SULT6B1: variants seen among roughly 807,000 people sequenced by gnomAD.
SULT6B1 encodes the protein sulfotransferase 6B1.
Under a neutral mutation model 37.2 loss-of-function variants are expected in SULT6B1, and 44 were observed. The observed-to-expected ratio is 1.18, with a 90% CI of 0.93 to 1.52. The LOEUF (loss-of-function observed/expected upper bound fraction) is 1.52. SULT6B1 is among the 40% of genes most tolerant of loss of function. The pLI, the probability that SULT6B1 is intolerant of heterozygous loss-of-function variation, is 0.00. For synonymous variants in SULT6B1, 140 were observed against 126.0 expected, an observed-to-expected ratio of 1.11 and a Z score of -0.74; for missense variants, 450 against 361.0, an observed-to-expected ratio of 1.25 and a Z score of -2.00.
intron 1 of SULT6B1, chr2:37,194,883 T>C (rs62135025): frequency 0.38 from 15,790 of 41,116 alleles, 2,205 homozygotes; most frequent in South Asian, 0.48. Flanking sequence ...CTCCCTCCCT[T>C]CCTTCCTTCC....
chr2:37,178,936 A>G (rs1470787574), intron 4 of SULT6B1, among the ~76,000 whole-genome samples: 2 of 151,186 alleles, frequency 1.3e-5, no homozygotes, highest in Non-Finnish European at 2.9e-5. Context: ...TCAACATACG[A>G]CTTGTCCAAA....
chr2:37,190,963 A>G (rs1020871697), upstream of SULT6B1, among the ~76,000 whole-genome samples: 1 of 152,128 alleles, frequency 6.6e-6, no homozygotes, highest in African/African-American at 2.4e-5. Context: ...AAACAATTAG[A>G]TAAACATGCA....
intron 3 of SULT6B1, among the ~76,000 whole-genome samples, chr2:37,180,336 G>A (rs777487104): frequency 8.5e-5 from 13 of 152,174 alleles, no homozygotes; most frequent in Non-Finnish European, 1.6e-4. Context: ...GGAAAGATGT[G>A]GATTTTGCAA....
At position 37,168,055 on chromosome 2, in the gene SULT6B1, A is replaced by C; in HGVS notation, c.792T>G (p.Gly264=). 1 of 1,591,512 alleles carries C rather than the reference A, an allele frequency of 6.3e-7. No individual in the cohort carries two copies. The highest frequency in any genetic ancestry group is 1.2e-5 in the South Asian group (1 of 86,460). The change falls in exon 7 of 7, where the codon GGT becomes GGG. Residue 264 remains glycine (G), a synonymous_variant. Coordinates refer to ENST00000535679, the MANE Select transcript of SULT6B1 (RefSeq NM_001367551.1). ...GPFLFRKGEV[G]DWKNLFSEIQ... is the part of the protein sequence containing the mutation. ...TTTCACTGAACAAATTTTTCCAATCACCAACTTCACCTACAACACACAAAA... is the reference window on the plus strand; with the variant it reads ...TTTCACTGAACAAATTTTTCCAATCCCCAACTTCACCTACAACACACAAAA...
At chr2:37,188,992 A>G (rs551650462), upstream of SULT6B1, among the ~76,000 whole-genome samples, 13 of 152,368 alleles carry the variant, frequency 8.5e-5, no homozygotes, top group South Asian at 2.7e-3. Flanking sequence ...TTAGAAATTC[A>G]CAGAATGAAA....
chr2:37,183,573 T>C, intron 2 of SULT6B1, 59 bp from the exon 3 acceptor site: 6 of 1,268,106 alleles, frequency 4.7e-6, no homozygotes, highest in African/African-American at 2.9e-5. Flanking sequence ...TGTGTGTGTG[T>C]TGAATCACTC....
chr2:37,169,783 A>G (rs62134992), intron 6 of SULT6B1, among the ~76,000 whole-genome samples: 34,356 of 152,134 alleles, frequency 0.23, 4,023 homozygotes, highest in South Asian at 0.35. Context: ...ATGAGCCACC[A>G]TGTCCGGCCT....
Position 37,188,467 on chromosome 2 carries a change from G to A in SULT6B1, c.174C>T (p.Ile58=), listed in dbSNP as rs140600686. ...LDTFEARHDD[I]VLASYPKCGS... ...CGCACTTTGGATAAGATGCTAGCAC[G>A]ATGTCATCATGTCTGGCTTCGAAGG... is the stretch of plus-strand genomic sequence containing the variant. The change falls in exon 1 of 7, where the codon ATC becomes ATT. Residue 58 remains isoleucine (I), a synonymous_variant. Transcript: ENST00000535679. 2.5e-4 allele frequency: 405 copies of A among 1,613,942 alleles called. 1 individual carries two copies. The highest frequency in any genetic ancestry group is 6.5e-4 in the Admixed American group (39 of 59,980).
intron 5 of SULT6B1, among the ~76,000 whole-genome samples, chr2:37,172,146 G>A (rs982665646): frequency 6.6e-6 from 1 of 151,932 alleles, no homozygotes; most frequent in Admixed American, 6.6e-5. Context: ...GACTTCCTGG[G>A]CTCCAGCAAT....
At chr2:37,193,602 A>AGAAGAAGAAGAAGAAGAG (rs1676828446), upstream of SULT6B1, among the ~76,000 whole-genome samples, 1 of 111,044 alleles carries the variant, frequency 9.0e-6, no homozygotes, top group Non-Finnish European at 1.9e-5. Flanking sequence ...AAGAAAAAGA[A>AGAAGAAGAAGAAGAAGAG]GAAGAAGAAG....
intron 1 of SULT6B1, 68 bp downstream of exon 1, chr2:37,188,374 T>G: frequency 7.3e-7 from 1 of 1,370,942 alleles, no homozygotes; most frequent in Non-Finnish European, 1.0e-6. Context: ...CATCCCACCT[T>G]TGTCTCATAC....
intron 4 of SULT6B1, among the ~76,000 whole-genome samples, chr2:37,177,589 T>C (rs1196511979): frequency 6.6e-6 from 1 of 152,156 alleles, no homozygotes; most frequent in African/African-American, 2.4e-5. Flanking sequence ...AAACTTGTTA[T>C]GAAGTTATGA....
intron 4 of SULT6B1, 151 bp downstream of exon 4, chr2:37,179,307 A>G: frequency 2.1e-6 from 2 of 973,790 alleles, no homozygotes; most frequent in Admixed American, 5.0e-5. Flanking sequence ...GATGCACAGA[A>G]CTAATGGTGC....
chr2:37,188,223 C>G (rs1331056194), intron 1 of SULT6B1, among the ~76,000 whole-genome samples: 1 of 152,134 alleles, frequency 6.6e-6, no homozygotes, highest in East Asian at 1.9e-4. Flanking sequence ...CATGGCCTTT[C>G]CGCACAGAGC....
At chr2:37,169,785 G>T (rs1174773358) in intron 6 of SULT6B1, among the ~76,000 whole-genome samples, 1 of 152,136 alleles carries the variant, frequency 6.6e-6, no homozygotes, top group Non-Finnish European at 1.5e-5. Context: ...GAGCCACCAT[G>T]TCCGGCCTTA....
chr2:37,167,883 C>T lies in SULT6B1; in HGVS notation c.*52G>A. The T allele has an allele frequency of 1.4e-6, 2 of 1,437,460 alleles. No homozygotes were observed. The highest frequency in any genetic ancestry group is 1.9e-6 in the Non-Finnish European group (2 of 1,081,070). The allele number at this position is 1,437,460 out of a possible 1,614,324, so 89.0% of individuals were successfully genotyped here. ...GATTGAATTATCATTTAATTATTTA[C>T]ACTTAATTATTATTAAGGAAAATAA... On this transcript the variant is annotated 3_prime_UTR_variant, in exon 7 of 7. Transcript: ENST00000535679.
intron 6 of SULT6B1, among the ~76,000 whole-genome samples, chr2:37,169,695 A>G (rs1400852711): frequency 1.3e-5 from 2 of 152,240 alleles, no homozygotes; most frequent in African/African-American, 4.8e-5. Flanking sequence ...GGGTTTCACC[A>G]TCTTCGCCAG....
chr2:37,181,975 G>A (rs899123263), intron 3 of SULT6B1, among the ~76,000 whole-genome samples: 1 of 152,152 alleles, frequency 6.6e-6, no homozygotes, highest in Non-Finnish European at 1.5e-5. Flanking sequence ...CAGCTGCTTA[G>A]TGGAATTCAA....
At chr2:37,191,284 T>C, upstream of SULT6B1, 1 of 149,876 alleles carries the variant, frequency 6.7e-6, no homozygotes, top group East Asian at 2.0e-4. Flanking sequence ...AAAAAAAATC[T>C]TATTTTCTGA....
Sources: gnomAD v4.1 joint callset for allele counts (sites outside exome capture counted in the v4.1 genomes callset) on GRCh38, gnomAD v4.1.1 for gene constraint, MANE v1.5 for transcripts, NCBI Gene and HGNC (gene_info 2026-07-23, HGNC 2026-07-21) for gene names.